The following PRMT7 variants were observed in gnomAD, a reference collection of about 807,000 sequenced individuals.
PRMT7 encodes protein arginine N-methyltransferase 7.
A neutral mutation model predicts 85.4 loss-of-function variants in PRMT7; 75 were observed. The ratio of observed to expected loss-of-function variants is 0.88; its 90% CI spans 0.73 to 1.06. PRMT7 has a LOEUF of 1.06. PRMT7 is among the 50% of genes least tolerant of loss of function. The pLI is 0.00. For synonymous variants in PRMT7, 397 were observed against 359.5 expected (o/e 1.10, Z -1.18); for missense variants, 868 against 915.2 (o/e 0.95, Z 0.67).
intron 5 of PRMT7, among the ~76,000 whole-genome samples, chr16:68,325,479 A>G (rs1437250567): frequency 1.1e-4 from 16 of 151,552 alleles, no homozygotes; most frequent in Admixed American, 3.3e-4. Context: ...TGACAGAGTG[A>G]GACTTTATCT....
chr16:68,351,208 C>T (rs1481225510), intron 14 of PRMT7, among the ~76,000 whole-genome samples: 1 of 152,196 alleles, frequency 6.6e-6, no homozygotes, highest in East Asian at 1.9e-4. Flanking sequence ...GCAGCCCCTT[C>T]TGTCTGCCAG....
chr16:68,314,923 TTTAAAA>T (rs2044491390), intron 2 of PRMT7, among the ~76,000 whole-genome samples: 2 of 152,172 alleles, frequency 1.3e-5, no homozygotes, highest in African/African-American at 4.8e-5. Flanking sequence ...AAAAATTGCT[TTTAAAA>T]TTAAAATTTG....
intron 15 of PRMT7, chr16:68,352,644 GGC>G: frequency 2.4e-6 from 1 of 421,124 alleles, no homozygotes; most frequent in Non-Finnish European, 4.2e-6. Flanking sequence ...TTACAATTGT[GGC>G]TTATCAGAAT....
downstream of PRMT7, chr16:68,360,850 A>G: frequency 4.5e-6 from 1 of 223,158 alleles, no homozygotes; most frequent in Admixed American, 5.2e-5. Flanking sequence ...CAGCAGACAA[A>G]AATAAAGAAC....
intron 3 of PRMT7, among the ~76,000 whole-genome samples, chr16:68,317,417 T>C (rs777398204): frequency 6.6e-6 from 1 of 152,046 alleles, no homozygotes; most frequent in African/African-American, 2.4e-5. Flanking sequence ...ATGAGCCAGA[T>C]TGTGGCTGGG....
chr16:68,329,729 CATG>C (rs1173622693), intron 6 of PRMT7, among the ~76,000 whole-genome samples: 1 of 152,070 alleles, frequency 6.6e-6, no homozygotes, highest in East Asian at 1.9e-4. Context: ...ATTAGCCAGG[CATG>C]GTGGTGGGCA....
intron 6 of PRMT7, among the ~76,000 whole-genome samples, chr16:68,334,804 TTTA>T (rs2084412998): frequency 6.6e-6 from 1 of 152,110 alleles, no homozygotes; most frequent in African/African-American, 2.4e-5. Context: ...TTTTTTAATT[TTTA>T]TTATTTTTTG....
intron 6 of PRMT7, among the ~76,000 whole-genome samples, chr16:68,330,442 T>C (rs2083705313): frequency 6.6e-6 from 1 of 152,146 alleles, no homozygotes; most frequent in South Asian, 2.1e-4. Flanking sequence ...ACTACAGGTG[T>C]GCACTACTGC....
At chr16:68,337,681 A>T in intron 7 of PRMT7, 110 bp downstream of exon 7, 1 of 517,210 alleles carries the variant, frequency 1.9e-6, no homozygotes, top group South Asian at 4.8e-5. Context: ...CCTCTGATAC[A>T]CCTGGGACAC....
chr16:68,350,138 T>A (rs1486864445), intron 14 of PRMT7, among the ~76,000 whole-genome samples: 3 of 152,248 alleles, frequency 2.0e-5, no homozygotes, highest in South Asian at 2.1e-4. Flanking sequence ...GAAGGCTGTG[T>A]AGCATTCCAC....
intron 4 of PRMT7, among the ~76,000 whole-genome samples, chr16:68,322,732 TAAAAA>T (rs995715420): frequency 3.4e-4 from 52 of 151,844 alleles, no homozygotes; most frequent in African/African-American, 1.2e-3. Flanking sequence ...TTTTTTAACT[TAAAAA>T]ATAAATAAAA....
intron 16 of PRMT7, among the ~76,000 whole-genome samples, chr16:68,354,146 G>A (rs1192621990): frequency 3.3e-5 from 5 of 152,210 alleles, no homozygotes; most frequent in African/African-American, 1.2e-4. Flanking sequence ...GGGAACCTGA[G>A]GCTGGTGGAT....
intron 16 of PRMT7, 145 bp from the exon 17 acceptor site, chr16:68,355,578 C>T: frequency 1.2e-6 from 1 of 826,608 alleles, no homozygotes; most frequent in African/African-American, 1.8e-5. Context: ...AGAGGGGGCG[C>T]CGCTGGTCTG....
chr16:68,323,694 C>G (rs1467679275), intron 4 of PRMT7: 2 of 151,974 alleles, frequency 1.3e-5, no homozygotes, highest in African/African-American at 4.8e-5. Context: ...AGGATATCAC[C>G]CTTTTGATGC....
At chr16:68,319,924 C>T (rs2082302964) in intron 3 of PRMT7, among the ~76,000 whole-genome samples, 1 of 152,236 alleles carries the variant, frequency 6.6e-6, no homozygotes, top group South Asian at 2.1e-4. Flanking sequence ...GTGTGAATTA[C>T]TGCAGTAGGA....
At chr16:68,334,776 A>G (rs1199215223) in intron 6 of PRMT7, among the ~76,000 whole-genome samples, 1 of 152,078 alleles carries the variant, frequency 6.6e-6, no homozygotes, top group African/African-American at 2.4e-5. Flanking sequence ...GCACTGGACC[A>G]TAAAGCTTGA....
chr16:68,337,471 C>T lies in PRMT7; in HGVS notation c.404C>T (p.Pro135Leu), dbSNP rs141441180. 6.2e-7 allele frequency: 1 copy of T among 1,608,440 alleles called. No individual in the cohort carries two copies. The highest frequency in any genetic ancestry group is 1.3e-5 in the African/African-American group (1 of 74,562). ...EVTVGPEGDM[P>L]CRANILVTEL... ...TTGTGTTTTTCAGAGGGTGACATGC[C>T]ATGCCGTGCCAACATCCTGGTCACA... The change falls in exon 7 of 19, where the codon CCA (proline) becomes CTA (leucine). Residue 135 changes from proline (P) to leucine (L), a missense_variant. By Grantham distance (98) the Pro-to-Leu change is moderately conservative. Transcript: ENST00000441236.
chr16:68,358,083 C>T lies in PRMT7; in HGVS notation c.*859C>T, dbSNP rs750005292. ...CCCCCTTTGGTTATGTCCCAGCTCT[C>T]AGAGGTAACAGCAGACACCACGTGA... is the stretch of plus-strand genomic sequence containing the variant. On this transcript the variant is annotated 3_prime_UTR_variant, in exon 19 of 19. Transcript: ENST00000441236. The T allele has an allele frequency of 5.3e-5, 8 of 152,322 alleles. No homozygotes were observed. Among genetic ancestry groups the T allele is most frequent in the Non-Finnish European group, 1.2e-4 (8 of 68,088 alleles). 9.4% of individuals were successfully genotyped at this position (152,322 alleles called of 1,614,324 possible). A position where few individuals can be genotyped will look rare whatever the true frequency, so the allele number is the denominator to read the frequency against.
chr16:68,332,911 A>T (rs2084109592), intron 6 of PRMT7, among the ~76,000 whole-genome samples: 1 of 152,124 alleles, frequency 6.6e-6, no homozygotes, highest in Non-Finnish European at 1.5e-5. Context: ...TGTTTCATAT[A>T]TTTTGCCCAG....
Sources: gnomAD v4.1 joint callset for allele counts (sites outside exome capture counted in the v4.1 genomes callset) on GRCh38, gnomAD v4.1.1 for gene constraint, MANE v1.5 for transcripts, NCBI Gene and HGNC (gene_info 2026-07-23, HGNC 2026-07-21) for gene names.